Variants in SFMBT2 observed in about 807,000 individuals in gnomAD.
SFMBT2 encodes Scm like with four mbt domains 2.
In SFMBT2, 38 loss-of-function variants were observed where a neutral mutation model predicts 110.1. The observed-to-expected ratio is 0.35, with a 90% CI of 0.27 to 0.45. The LOEUF (loss-of-function observed/expected upper bound fraction) is 0.45, where lower values mean the gene tolerates loss of function less well. Among genes scored for constraint, SFMBT2 ranks in the 20% least tolerant of loss-of-function variants. The pLI is 1.00. For synonymous variants in SFMBT2, 425 were observed against 425.4 expected (o/e 1.00, Z 0.01); for missense variants, 1,011 against 1,094.9 (o/e 0.92, Z 1.08).
intron 6 of SFMBT2, 79 bp downstream of exon 6, chr10:7,283,825 C>A: frequency 2.1e-6 from 2 of 954,278 alleles, no homozygotes; most frequent in Non-Finnish European, 3.3e-6. Flanking sequence ...AAAGCTCATA[C>A]ATTTTCTAGA....
intron 11 of SFMBT2, among the ~76,000 whole-genome samples, chr10:7,208,307 T>C (rs1379075710): frequency 2.0e-5 from 3 of 152,204 alleles, no homozygotes; most frequent in Non-Finnish European, 4.4e-5. Flanking sequence ...TCTTAGCTAC[T>C]CAAACATTTT....
At chr10:7,227,059 C>T (rs1490643600) in intron 10 of SFMBT2, among the ~76,000 whole-genome samples, 1 of 152,220 alleles carries the variant, frequency 6.6e-6, no homozygotes, top group Non-Finnish European at 1.5e-5. Flanking sequence ...CACACACACA[C>T]ACTCATTGCC....
At chr10:7,284,271 G>A (rs1842026258) in intron 5 of SFMBT2, 121 bp from the exon 6 acceptor site, 13 of 1,493,042 alleles carry the variant, frequency 8.7e-6, no homozygotes, top group Non-Finnish European at 1.2e-5. Context: ...CGAACAGTCT[G>A]GCGTTCCCTC....
chr10:7,392,929 T>G (rs1845808364), intron 1 of SFMBT2, among the ~76,000 whole-genome samples: 1 of 145,316 alleles, frequency 6.9e-6, no homozygotes, highest in Non-Finnish European at 1.5e-5. Context: ...TCCACTCCTA[T>G]CTCATTAGAT....
intron 7 of SFMBT2, among the ~76,000 whole-genome samples, chr10:7,261,366 A>C (rs1841195225): frequency 1.3e-5 from 2 of 152,020 alleles, no homozygotes; most frequent in Admixed American, 1.3e-4. Flanking sequence ...ATCACACAGA[A>C]AGCCAGGGTT....
intron 11 of SFMBT2, among the ~76,000 whole-genome samples, chr10:7,211,408 C>T (rs1839343163): frequency 6.6e-6 from 1 of 152,174 alleles, no homozygotes; most frequent in African/African-American, 2.4e-5. Context: ...AAAACCTGAA[C>T]TTTGCTATGG....
intron 4 of SFMBT2, among the ~76,000 whole-genome samples, chr10:7,302,284 A>G (rs1398496465): frequency 6.6e-6 from 1 of 152,226 alleles, no homozygotes; most frequent in East Asian, 1.9e-4. Flanking sequence ...TGTAGTTGAA[A>G]TATTTCAGCA....
rs1365017508 is a variant in SFMBT2, at chr10:7,162,484, T to TAC, written c.*1285_*1286insGT. ...AAGTGGCTGACTCCAGATTCACTGC[T>TAC]CCTGCTGCATCATGCCTGGTTCATA... On this transcript the variant is annotated 3_prime_UTR_variant, in exon 21 of 21. Coordinates refer to ENST00000397167, the MANE Select transcript of SFMBT2 (RefSeq NM_001387889.1). 1.3e-5 allele frequency: 2 copies of TAC among 152,230 alleles called. No individual in the cohort carries two copies. The highest frequency in any genetic ancestry group is 2.9e-5 in the Non-Finnish European group (2 of 68,086). 9.4% of individuals were successfully genotyped at this position (152,230 alleles called of 1,614,324 possible).
chr10:7,388,524 A>ATT (rs60231769), intron 1 of SFMBT2, among the ~76,000 whole-genome samples: 2,629 of 112,066 alleles, frequency 0.023, 64 homozygotes, highest in Non-Finnish European at 0.035. Flanking sequence ...TACCCAGCTA[A>ATT]TTTTTTTTTT....
At chr10:7,185,256 C>T (rs770727002) in intron 16 of SFMBT2, among the ~76,000 whole-genome samples, 3 of 152,184 alleles carry the variant, frequency 2.0e-5, no homozygotes, top group African/African-American at 4.8e-5. Context: ...CTTTGCTTAA[C>T]GCGAAGTTCA....
intron 4 of SFMBT2, among the ~76,000 whole-genome samples, chr10:7,287,943 T>A (rs948192095): frequency 4.6e-5 from 7 of 152,170 alleles, no homozygotes; most frequent in Admixed American, 2.6e-4. Context: ...TAAGGGGTGT[T>A]CTAAGGACTA....
intron 4 of SFMBT2, among the ~76,000 whole-genome samples, chr10:7,286,889 A>G (rs1040720780): frequency 6.6e-6 from 1 of 152,070 alleles, no homozygotes; most frequent in Non-Finnish European, 1.5e-5. Flanking sequence ...GGAAGTCAAC[A>G]TAGACGCTTA....
chr10:7,250,429 T>TC (rs1840767001), intron 7 of SFMBT2, among the ~76,000 whole-genome samples: 1 of 151,914 alleles, frequency 6.6e-6, no homozygotes, highest in Non-Finnish European at 1.5e-5. Context: ...GCATTCTTTT[T>TC]ATGGCTATGC....
At chr10:7,353,470 C>T (rs1844392291) in intron 4 of SFMBT2, among the ~76,000 whole-genome samples, 1 of 147,628 alleles carries the variant, frequency 6.8e-6, no homozygotes, top group African/African-American at 2.5e-5. Context: ...GCCCTAAGAA[C>T]ATCTAAGCAT....
chr10:7,310,332 C>G (rs954543366), intron 4 of SFMBT2, among the ~76,000 whole-genome samples: 13 of 152,316 alleles, frequency 8.5e-5, no homozygotes, highest in Admixed American at 5.9e-4. Context: ...GCTGAGAACT[C>G]CATGTCCCAA....
intron 16 of SFMBT2, among the ~76,000 whole-genome samples, chr10:7,183,960 C>T (rs1838320217): frequency 6.6e-6 from 1 of 152,192 alleles, no homozygotes; most frequent in African/African-American, 2.4e-5. Context: ...TTCTCTCACT[C>T]ACCTGTCTTT....
chr10:7,261,796 G>A (rs1285414352), intron 7 of SFMBT2, among the ~76,000 whole-genome samples: 1 of 152,198 alleles, frequency 6.6e-6, no homozygotes, highest in Non-Finnish European at 1.5e-5. Flanking sequence ...GGCCTTTCTG[G>A]TTATAAATGG....
intron 9 of SFMBT2, among the ~76,000 whole-genome samples, chr10:7,241,563 G>T (rs1408252617): frequency 6.6e-6 from 1 of 152,028 alleles, no homozygotes. Flanking sequence ...TAAAAGAGAA[G>T]AAATGATCAT....
At chr10:7,404,464 A>T (rs546584734) in intron 1 of SFMBT2, among the ~76,000 whole-genome samples, 1 of 152,322 alleles carries the variant, frequency 6.6e-6, no homozygotes, top group South Asian at 2.1e-4. Context: ...GGAAAAACTC[A>T]CAAGATGAAA....
Sources: gnomAD v4.1 joint callset for allele counts (sites outside exome capture counted in the v4.1 genomes callset) on GRCh38, gnomAD v4.1.1 for gene constraint, MANE v1.5 for transcripts, NCBI Gene and HGNC (gene_info 2026-07-23, HGNC 2026-07-21) for gene names.